Variants in CCT5 observed in about 807,000 individuals in gnomAD.
The protein encoded by CCT5 is T-complex protein 1 subunit epsilon.
In CCT5, 6 loss-of-function variants were observed where a neutral mutation model predicts 55.0. The observed-to-expected ratio is 0.11, with a 90% confidence interval of 0.06 to 0.22. The LOEUF (loss-of-function observed/expected upper bound fraction) is 0.22, where lower values mean the gene tolerates loss of function less well. CCT5 is among the 10% of genes least tolerant of loss of function. CCT5 has a pLI of 1.00. For missense variants in CCT5, 560 were observed against 694.6 expected, an observed-to-expected ratio of 0.81 and a Z score of 2.18; for synonymous variants, 231 against 243.7, an observed-to-expected ratio of 0.95 and a Z score of 0.49.
At chr5:10,250,144 G>A (rs924056745), upstream of CCT5, 516 of 1,535,720 alleles carry the variant, frequency 3.4e-4, no homozygotes, top group Middle Eastern at 1.7e-4. Flanking sequence ...CGGCTTCCTG[G>A]ATAATAGAAG....
intron 6 of CCT5, among the ~76,000 whole-genome samples, chr5:10,259,185 G>A (rs1442029081): frequency 6.6e-6 from 1 of 152,230 alleles, no homozygotes; most frequent in African/African-American, 2.4e-5. Context: ...TGCACTCATA[G>A]TAATCCCAGT....
chr5:10,254,898 A>G (rs1228060761), intron 3 of CCT5, 60 bp downstream of exon 3: 3 of 1,408,202 alleles, frequency 2.1e-6, no homozygotes, highest in Middle Eastern at 1.8e-4. Flanking sequence ...CCACAGGGCT[A>G]ACATGCCTGC....
chr5:10,257,686 A>G (rs997496136), intron 4 of CCT5, among the ~76,000 whole-genome samples: 1 of 152,222 alleles, frequency 6.6e-6, no homozygotes, highest in African/African-American at 2.4e-5. Context: ...GGTTAGTGCT[A>G]CACTTCATTG....
chr5:10,252,158 T>G (rs955627923), intron 1 of CCT5, among the ~76,000 whole-genome samples: 16 of 152,174 alleles, frequency 1.1e-4, no homozygotes. Flanking sequence ...ACCTGGGTGT[T>G]TAAGTCTCTT....
chr5:10,260,732 T>G lies in CCT5; in HGVS notation c.874-60T>G, dbSNP rs947648596. On this transcript the variant is annotated intron_variant, in intron 6 of 10. Coordinates refer to ENST00000280326, the MANE Select transcript of CCT5 (RefSeq NM_012073.5). ...ACTGTGCCTCTCCTTTTTTCAAACA[T>G]TGTAATGAAGAATAAATACCCACTT... 5 of 1,595,804 alleles carry G rather than the reference T, an allele frequency of 3.1e-6. 1 individual carries two copies. In the Middle Eastern group the frequency reaches 6.8e-4, roughly 216 times the overall value.
intron 1 of CCT5, chr5:10,250,888 G>T: frequency 9.6e-7 from 1 of 1,039,680 alleles, no homozygotes. Flanking sequence ...TTTGTCACTC[G>T]TAAAGGTGTG....
intron 4 of CCT5, 89 bp from the exon 5 acceptor site, chr5:10,258,022 A>T: frequency 7.6e-7 from 1 of 1,316,710 alleles, no homozygotes; most frequent in Non-Finnish European, 1.1e-6. Flanking sequence ...CGTTTGATTT[A>T]TATCTTTGAG....
chr5:10,257,031 C>T (rs1453453156), intron 4 of CCT5, among the ~76,000 whole-genome samples: 2 of 152,198 alleles, frequency 1.3e-5, no homozygotes, highest in Non-Finnish European at 2.9e-5. Context: ...CGTAATATAA[C>T]ATAAAAATCC....
upstream of CCT5, chr5:10,250,045 G>A (rs1305684007): frequency 2.6e-6 from 4 of 1,541,674 alleles, no homozygotes; most frequent in African/African-American, 4.1e-5. Flanking sequence ...AACTATCAGT[G>A]GTAACGTTTT....
At chr5:10,254,226 G>GT in intron 2 of CCT5, 21 bp downstream of exon 2, 1 of 1,500,646 alleles carries the variant, frequency 6.7e-7, no homozygotes, top group Non-Finnish European at 9.3e-7. Context: ...ACCATTCCGT[G>GT]TTTTTTAGCA....
chr5:10,260,039 G>A lies in CCT5; in HGVS notation c.874-753G>A, dbSNP rs151046808. 3.6e-3 allele frequency among the ~76,000 whole-genome samples: 541 copies of A among 152,278 alleles called. 1 individual carries two copies. The highest frequency in any genetic ancestry group is 4.5e-3 in the African/African-American group (186 of 41,542). On this transcript the variant is annotated intron_variant, in intron 6 of 10. Transcript: ENST00000280326. Reference sequence around the variant, plus strand: ...TTGCAGGGGCAGGTTGGTTTTCCGGGGTTGTGACGGAGAGATTGTATAAGG... The same window carrying A: ...TTGCAGGGGCAGGTTGGTTTTCCGGAGTTGTGACGGAGAGATTGTATAAGG...
At chr5:10,254,918 T>C (rs1745598866) in intron 3 of CCT5, 80 bp downstream of exon 3, 1 of 1,165,890 alleles carries the variant, frequency 8.6e-7, no homozygotes, top group South Asian at 1.2e-5. Flanking sequence ...CTGAGATTGT[T>C]GTCTCTGAAT....
chr5:10,262,320 A>C, intron 8 of CCT5, 161 bp from the exon 9 acceptor site: 1 of 784,494 alleles, frequency 1.3e-6, no homozygotes, highest in East Asian at 2.7e-5. Context: ...TTTGTTAACT[A>C]CATTGCAGGA....
chr5:10,255,144 T>G (rs1371245147), intron 3 of CCT5: 1 of 396,416 alleles, frequency 2.5e-6, no homozygotes, highest in Admixed American at 3.7e-5. Context: ...TTGGATCATG[T>G]ACTGCAATGC....
In CCT5 at chr5:10,258,554, C is replaced by T. The variant is rs1181959888; in HGVS notation, c.873+19C>T. The T allele has an allele frequency of 6.2e-7, 1 of 1,607,852 alleles. No homozygotes were observed. The highest frequency in any genetic ancestry group is 1.1e-5 in the South Asian group (1 of 90,914). ...TCAACAAGTAAGTCTTACCAGAGTC[C>T]TCAGTGGAATTTAAACTCCCAAAGG... On this transcript the variant is annotated intron_variant, in intron 6 of 10. Transcript: ENST00000280326.
Position 10,260,917 on chromosome 5 carries a change from A to G in CCT5, c.993+6A>G. 2.5e-6 allele frequency: 4 copies of G among 1,613,874 alleles called. No homozygotes were observed. Among genetic ancestry groups the G allele is most frequent in the Non-Finnish European group, 3.4e-6 (4 of 1,179,882 alleles). ...TAGGAGGACCTGAAATTGAGGTAGG[A>G]TGTTCCACGTGAAGAGACTTTGAGA... On this transcript the variant is annotated splice_donor_region_variant and intron_variant, in intron 7 of 10. Coordinates refer to ENST00000280326, the MANE Select transcript of CCT5 (RefSeq NM_012073.5).
In CCT5 at chr5:10,261,688, C is replaced by T. The variant is rs773531721; in HGVS notation, c.1122C>T (p.Ile374=). 4.3e-6 allele frequency: 7 copies of T among 1,613,962 alleles called. No individual in the cohort carries two copies. Among genetic ancestry groups the T allele is most frequent in the South Asian group, 3.3e-5 (3 of 91,044 alleles). ...FGTTKDKMLV[I]EQCKNSRAVT... is the part of the protein sequence containing the mutation. ...CAACTAAGGATAAAATGCTGGTCATCGAGCAGTGTAAGAACTCCAGAGCTG... is the reference window on the plus strand; with the variant it reads ...CAACTAAGGATAAAATGCTGGTCATTGAGCAGTGTAAGAACTCCAGAGCTG... The change falls in exon 8 of 11, where the codon ATC becomes ATT. Residue 374 remains isoleucine, a synonymous_variant. Transcript: ENST00000280326.
rs111255743 is a variant in CCT5, at chr5:10,261,575, A to G, written c.1009A>G (p.Thr337Ala). ...CCCCAATTAGCTGATTGCCATCGCAACAGGAGGGCGGATCGTCCCCAGGTT... is the reference window on the plus strand; with the variant it reads ...CCCCAATTAGCTGATTGCCATCGCAGCAGGAGGGCGGATCGTCCCCAGGTT... ...GPEIELIAIA[T>A]GGRIVPRFSE... The change falls in exon 8 of 11, where the codon ACA (threonine) becomes GCA (alanine). Residue 337 changes from threonine (T) to alanine (A), a missense_variant. Around this residue, in one of 4 missense-constraint regions of CCT5, gnomAD observed 256 missense variants for 372.4 expected, o/e 0.69. Coordinates refer to ENST00000280326, the MANE Select transcript of CCT5 (RefSeq NM_012073.5). 31 of 1,614,152 alleles carry G rather than the reference A, an allele frequency of 1.9e-5. No individual in the cohort carries two copies. The highest frequency in any genetic ancestry group is 1.5e-4 in the African/African-American group (11 of 75,050).
At chr5:10,250,724 G>T in intron 1 of CCT5, 2 of 1,278,664 alleles carry the variant, frequency 1.6e-6, no homozygotes, top group Non-Finnish European at 2.0e-6. Context: ...CGGGAGCAAA[G>T]CGGGACCGCC....
Sources: allele counts gnomAD v4.1 joint callset (sites outside exome capture counted in the v4.1 genomes callset), GRCh38; gene constraint gnomAD v4.1.1; regional missense constraint gnomAD v4.1.1; transcripts MANE v1.5; gene names NCBI Gene and HGNC (gene_info 2026-07-23, HGNC 2026-07-21).